CFHR3: variants seen among roughly 807,000 people sequenced by gnomAD.
CFHR3 encodes the protein complement factor H-related protein 3.
A neutral mutation model predicts 36.0 loss-of-function variants in CFHR3; 22 were observed. The ratio of observed to expected loss-of-function variants is 0.61; its 90% confidence interval spans 0.44 to 0.87. CFHR3 has a LOEUF of 0.87. Ranked by LOEUF, CFHR3 falls within the 40% of genes least tolerant of loss-of-function variation. The probability of loss-of-function intolerance (pLI) is 0.00; values close to 1 mark genes in which losing one functional copy is unlikely to be tolerated. For synonymous variants in CFHR3, 97 were observed against 137.4 expected, an observed-to-expected ratio of 0.71 and a Z score of 2.06; for missense variants, 276 against 401.3, an observed-to-expected ratio of 0.69 and a Z score of 2.67.
chr1:196,782,058 G>T (rs1462655045), intron 3 of CFHR3, among the ~76,000 whole-genome samples: 1 of 137,158 alleles, frequency 7.3e-6, no homozygotes, highest in African/African-American at 3.0e-5. Flanking sequence ...ATTAAATAGG[G>T]AATCCTTTCC....
Position 196,794,421 on chromosome 1 carries a change from C to T in CFHR3, c.*908C>T, listed in dbSNP as rs1330103879. 1.5e-5 allele frequency among the ~76,000 whole-genome samples: 2 copies of T among 136,962 alleles called. 1 individual carries two copies. The highest frequency in any genetic ancestry group is 6.1e-5 in the African/African-American group (2 of 32,924). 89.9% of individuals were successfully genotyped at this position (136,962 alleles called of 152,430 possible). ...GAGGTTGAACTGAGCCAAGATAGTG[C>T]CACTGCACTCCAGCCTGGGCAATAG... On this transcript the variant is annotated 3_prime_UTR_variant, in exon 6 of 6. Coordinates refer to ENST00000367425, the MANE Select transcript of CFHR3 (RefSeq NM_021023.6).
At position 196,789,280 on chromosome 1, in the gene CFHR3, C is replaced by G. The variant is rs1357568257; in HGVS notation, c.614-765C>G. On this transcript the variant is annotated intron_variant, in intron 4 of 5. Transcript: ENST00000367425. Reference sequence around the variant, plus strand: ...GATACATAATACAACATGGAAGACTCTCAAAAATATTAAGCTAAGAGAGAA... The same window carrying G: ...GATACATAATACAACATGGAAGACTGTCAAAAATATTAAGCTAAGAGAGAA... 1.4e-5 allele frequency: 11 copies of G among 809,818 alleles called. 1 individual carries two copies. The highest frequency in any genetic ancestry group is 7.2e-5 in the African/African-American group (3 of 41,462). 50.2% of individuals were successfully genotyped at this position (809,818 alleles called of 1,614,324 possible). A position where few individuals can be genotyped will look rare whatever the true frequency, so the allele number is the denominator to read the frequency against.
At chr1:196,783,860 G>A (rs993807128) in intron 3 of CFHR3, among the ~76,000 whole-genome samples, 1 of 135,006 alleles carries the variant, frequency 7.4e-6, no homozygotes, top group Non-Finnish European at 1.6e-5. Flanking sequence ...GAATGTGTTT[G>A]CTCTTGCTTT....
chr1:196,781,198 TC>T (rs1233530294), intron 3 of CFHR3, among the ~76,000 whole-genome samples: 2 of 135,234 alleles, frequency 1.5e-5, no homozygotes, highest in Non-Finnish European at 3.1e-5. Context: ...ATCCAGTCTA[TC>T]ATTGTTGGAC....
In CFHR3 at chr1:196,788,770, C is replaced by T. The variant is rs181861109; in HGVS notation, c.613+372C>T. On this transcript the variant is annotated intron_variant, in intron 4 of 5. Coordinates refer to ENST00000367425, the MANE Select transcript of CFHR3 (RefSeq NM_021023.6). ...CTGCTTGTATTGCATTCCGTGCTCA[C>T]GCTCAGAAAAGTTGTACATGTCGGG... 445 of 1,455,108 alleles carry T rather than the reference C, an allele frequency of 3.1e-4. 116 individuals carry two copies. The African/African-American group carries it at 5.1e-3, about 17-fold the overall frequency. 90.1% of individuals were successfully genotyped at this position (1,455,108 alleles called of 1,614,324 possible). A position where few individuals can be genotyped will look rare whatever the true frequency, so the allele number is the denominator to read the frequency against.
Position 196,780,005 on chromosome 1 carries a change from T to G in CFHR3, c.430+32T>G. ...ACACCGCTCTGAGATCCCAGCATGT[T>G]CATGTCTTTCTAAGTAACACGGACG... On this transcript the variant is annotated intron_variant, in intron 3 of 5. Coordinates refer to ENST00000367425, the MANE Select transcript of CFHR3 (RefSeq NM_021023.6). 3 of 1,530,538 alleles carry G rather than the reference T, an allele frequency of 2.0e-6. 1 individual carries two copies. Among genetic ancestry groups the G allele is most frequent in the Non-Finnish European group, 2.7e-6 (3 of 1,131,098 alleles). 94.8% of individuals were successfully genotyped at this position (1,530,538 alleles called of 1,614,324 possible). A position where few individuals can be genotyped will look rare whatever the true frequency, so the allele number is the denominator to read the frequency against.
rs780884068 is a variant in CFHR3, at chr1:196,793,292, GT to G, written c.797-23del. On this transcript the variant is annotated intron_variant, in intron 5 of 5. Transcript: ENST00000367425. ...GCTCATGAAAGAGAAAATTATGATT[GT>G]TAATTGTTTTTTTCTGCTTTCAGAT... 9 of 1,478,362 alleles carry G rather than the reference GT, an allele frequency of 6.1e-6. 2 individuals carry two copies. The highest frequency in any genetic ancestry group is 8.2e-6 in the Non-Finnish European group (9 of 1,094,348). 91.6% of individuals were successfully genotyped at this position (1,478,362 alleles called of 1,614,324 possible).
At position 196,788,831 on chromosome 1, in the gene CFHR3, C is replaced by T. The variant is rs1466795535; in HGVS notation, c.613+433C>T. The stretch of plus-strand genomic sequence containing the variant: ...GTGCTTAATTCTGAATTTCTGCTAG[C>T]GTCAGGAGAATCAGACCTTAATAAT... On this transcript the variant is annotated intron_variant, in intron 4 of 5. Coordinates refer to ENST00000367425, the MANE Select transcript of CFHR3 (RefSeq NM_021023.6). 57 of 1,455,052 alleles carry T rather than the reference C, an allele frequency of 3.9e-5. 12 individuals carry two copies. The highest frequency in any genetic ancestry group is 4.9e-5 in the Non-Finnish European group (54 of 1,098,708). The allele number at this position is 1,455,052 out of a possible 1,614,324, so 90.1% of individuals were successfully genotyped here. A position where few individuals can be genotyped will look rare whatever the true frequency, so the allele number is the denominator to read the frequency against.
intron 3 of CFHR3, among the ~76,000 whole-genome samples, chr1:196,780,803 A>G (rs1026214714): frequency 1.5e-5 from 2 of 131,746 alleles, no homozygotes; most frequent in African/African-American, 3.3e-5. Context: ...CTTTTTTTAT[A>G]TTTTATTATT....
rs1303545051 is a variant in CFHR3, at chr1:196,792,566, T to C, written c.797-751T>C. On this transcript the variant is annotated intron_variant, in intron 5 of 5. Transcript: ENST00000367425. ...TATAAATTTTTTTACAAAAGAATTT[T>C]ATAAAAGAAAATCCATATGTGGAAG... Among the ~76,000 whole-genome samples the C allele has an allele frequency of 1.5e-5, 2 of 130,492 alleles. 1 individual carries two copies. Among genetic ancestry groups the C allele is most frequent in the Non-Finnish European group, 3.2e-5 (2 of 63,090 alleles). 85.6% of individuals were successfully genotyped at this position (130,492 alleles called of 152,430 possible).
At chr1:196,791,466 A>G (rs1654427011) in intron 5 of CFHR3, among the ~76,000 whole-genome samples, 1 of 122,340 alleles carries the variant, frequency 8.2e-6, no homozygotes, top group Non-Finnish European at 1.6e-5. Context: ...TTAAACTGTA[A>G]GTTCATGAGT....
intron 1 of CFHR3, among the ~76,000 whole-genome samples, chr1:196,776,729 G>A (rs1573104426): frequency 7.3e-6 from 1 of 136,356 alleles, no homozygotes; most frequent in East Asian, 2.0e-4. Context: ...TATGAAATCA[G>A]TAGTACTTTG....
chr1:196,793,264 T>C, intron 5 of CFHR3, 53 bp from the exon 6 acceptor site: 1 of 1,404,216 alleles, frequency 7.1e-7, no homozygotes, highest in Non-Finnish European at 9.6e-7. Context: ...ATGCATTTTA[T>C]TTGCTCATGA....
chr1:196,793,026 C>T lies in CFHR3; in HGVS notation c.797-291C>T, dbSNP rs578070640. On this transcript the variant is annotated intron_variant, in intron 5 of 5. Coordinates refer to ENST00000367425, the MANE Select transcript of CFHR3 (RefSeq NM_021023.6). ...CATAATCCTTTTTGATATGAAGTCA[C>T]TAGGGTGGACACAACATATTTTAGG... Among the ~76,000 whole-genome samples, 23 of 135,058 alleles carry T rather than the reference C, an allele frequency of 1.7e-4. 5 individuals carry two copies. In the South Asian group the frequency reaches 6.0e-3, roughly 35 times the overall value. 88.6% of individuals were successfully genotyped at this position (135,058 alleles called of 152,430 possible). A position where few individuals can be genotyped will look rare whatever the true frequency, so the allele number is the denominator to read the frequency against.
chr1:196,790,578 G>T (rs1654385895), intron 5 of CFHR3, among the ~76,000 whole-genome samples: 1 of 135,202 alleles, frequency 7.4e-6, no homozygotes, highest in African/African-American at 3.1e-5. Flanking sequence ...ACAAAAATTA[G>T]CCAGGCATGC....
chr1:196,790,578 GC>G, intron 5 of CFHR3, among the ~76,000 whole-genome samples: 1 of 135,202 alleles, frequency 7.4e-6, no homozygotes, highest in Non-Finnish European at 1.6e-5. Flanking sequence ...ACAAAAATTA[GC>G]CAGGCATGCT....
chr1:196,783,644 G>C (rs1317097944), intron 3 of CFHR3, among the ~76,000 whole-genome samples: 1 of 134,480 alleles, frequency 7.4e-6, no homozygotes, highest in Non-Finnish European at 1.6e-5. Context: ...GGGATTGGTG[G>C]TGATATCCCC....
chr1:196,785,162 C>T (rs1253362562), intron 3 of CFHR3, among the ~76,000 whole-genome samples: 7 of 135,728 alleles, frequency 5.2e-5, no homozygotes, highest in African/African-American at 9.3e-5. Flanking sequence ...AGAGTTTCTG[C>T]TGAGAGATCT....
Position 196,792,912 on chromosome 1 carries a change from A to C in CFHR3, c.797-405A>C, listed in dbSNP as rs370820122. Among the ~76,000 whole-genome samples, 35 of 136,818 alleles carry C rather than the reference A, an allele frequency of 2.6e-4. 6 individuals carry two copies. The highest frequency in any genetic ancestry group is 1.3e-3 in the South Asian group (5 of 3,980). 89.8% of individuals were successfully genotyped at this position (136,818 alleles called of 152,430 possible). On this transcript the variant is annotated intron_variant, in intron 5 of 5. Transcript: ENST00000367425. The stretch of plus-strand genomic sequence containing the variant: ...ATAAACATAGAATTAAATTAGCAAA[A>C]TGTGAGTACATTTGGAGTGCTTGTA...
Sources: allele counts gnomAD v4.1 joint callset (sites outside exome capture counted in the v4.1 genomes callset), GRCh38; gene constraint gnomAD v4.1.1; transcripts MANE v1.5; gene names NCBI Gene and HGNC (gene_info 2026-07-23, HGNC 2026-07-21).